GRM5: variants seen among roughly 807,000 people sequenced by gnomAD.
GRM5 encodes glutamate metabotropic receptor 5, also known as metabotropic glutamate receptor 5.
GRM5 carries 19 observed loss-of-function variants against 83.1 expected under a neutral mutation model. The ratio of observed to expected loss-of-function variants is 0.23; its 90% confidence interval spans 0.16 to 0.34. The LOEUF (loss-of-function observed/expected upper bound fraction) is 0.34. Ranked by LOEUF, GRM5 falls within the 10% of genes least tolerant of loss-of-function variation. The pLI, the probability that GRM5 is intolerant of heterozygous loss-of-function variation, is 1.00. For synonymous variants in GRM5, 675 were observed against 633.6 expected, an observed-to-expected ratio of 1.07 and a Z score of -0.98; for missense variants, 1,160 against 1,588.3, an observed-to-expected ratio of 0.73 and a Z score of 4.58.
chr11:88,904,101 A>C (rs1430655128), intron 2 of GRM5, among the ~76,000 whole-genome samples: 1 of 152,154 alleles, frequency 6.6e-6, no homozygotes, highest in Admixed American at 6.6e-5. Context: ...GATGAAGAGG[A>C]TGCATTAAAA....
intron 7 of GRM5, among the ~76,000 whole-genome samples, chr11:88,576,677 C>T (rs1044965043): frequency 1.3e-5 from 2 of 152,014 alleles, no homozygotes; most frequent in African/African-American, 2.4e-5. Flanking sequence ...CAGAAGAATT[C>T]ACAGATGAGA....
intron 7 of GRM5, among the ~76,000 whole-genome samples, chr11:88,577,029 T>C (rs1943125988): frequency 1.3e-5 from 2 of 152,124 alleles, no homozygotes; most frequent in African/African-American, 4.8e-5. Flanking sequence ...TCAATAACTT[T>C]CTGATTTTGT....
chr11:88,596,324 T>G, intron 6 of GRM5, among the ~76,000 whole-genome samples: 1 of 152,160 alleles, frequency 6.6e-6, no homozygotes, highest in South Asian at 2.1e-4. Context: ...ACTTGTCTCT[T>G]CTTTCTTGTT....
chr11:88,719,564 TG>T (rs1941485036), intron 3 of GRM5, among the ~76,000 whole-genome samples: 1 of 152,120 alleles, frequency 6.6e-6, no homozygotes, highest in African/African-American at 2.4e-5. Context: ...TTACATATTT[TG>T]GGGTATATAC....
At chr11:88,911,405 C>G (rs1045134226) in intron 2 of GRM5, among the ~76,000 whole-genome samples, 6 of 152,052 alleles carry the variant, frequency 3.9e-5, no homozygotes, top group Non-Finnish European at 7.4e-5. Flanking sequence ...ATTAAATAAG[C>G]TAACAAATTA....
In GRM5 at chr11:88,623,714, T is replaced by C. The variant is rs560524956; in HGVS notation, c.1148-18750A>G. Reference sequence around the variant, plus strand: ...AAGTACAGCAAAAGAATGATCAGTATTTATTTGCAATCAAGTTCACGATAG... The same window carrying C: ...AAGTACAGCAAAAGAATGATCAGTACTTATTTGCAATCAAGTTCACGATAG... On this transcript the variant is annotated intron_variant, in intron 4 of 9. Coordinates refer to ENST00000305447, the MANE Select transcript of GRM5 (RefSeq NM_001143831.3). 6.6e-5 allele frequency among the ~76,000 whole-genome samples: 10 copies of C among 152,314 alleles called. No homozygotes were observed. In the East Asian group the frequency reaches 1.9e-3, roughly 29 times the overall value.
In GRM5 at chr11:88,567,340, G is replaced by A. The variant is rs1399515387; in HGVS notation, c.2343C>T (p.Thr781=). The change falls in exon 8 of 10, where the codon ACC becomes ACT. Residue 781 remains threonine (T), a synonymous_variant. Coordinates refer to ENST00000305447, the MANE Select transcript of GRM5 (RefSeq NM_001143831.3). The surrounding 1 kb of genome is among the most constrained non-coding windows in gnomAD (Gnocchi z 7.3). The part of the protein sequence containing the change: ...AKYIAFTMYT[T]CIIWLAFVPI... ...GCACAAAAGCTAGCCATATAATGCA[G>A]GTCGTGTACATTGTGAAGGCGATAT... is the stretch of plus-strand genomic sequence containing the variant. The A allele has an allele frequency of 1.2e-6, 2 of 1,614,126 alleles. No individual in the cohort carries two copies. The highest frequency in any genetic ancestry group is 2.7e-5 in the African/African-American group (2 of 75,036).
In GRM5 at chr11:88,507,634, A is replaced by C. The variant is rs547715907; in HGVS notation, c.*958T>G. 20 of 152,380 alleles carry C rather than the reference A, an allele frequency of 1.3e-4. No homozygotes were observed. The highest frequency in any genetic ancestry group is 4.8e-4 in the African/African-American group (20 of 41,592). 9.4% of individuals were successfully genotyped at this position (152,380 alleles called of 1,614,324 possible). A position where few individuals can be genotyped will look rare whatever the true frequency, so the allele number is the denominator to read the frequency against. ...GCCCCAATGCATATTTTAATATTTTAGTTGGCAATGCAAACGCAACAGCAT... is the reference window on the plus strand; with the variant it reads ...GCCCCAATGCATATTTTAATATTTTCGTTGGCAATGCAAACGCAACAGCAT... On this transcript the variant is annotated 3_prime_UTR_variant, in exon 10 of 10. Transcript: ENST00000305447.
In GRM5 at chr11:88,516,652, A is replaced by G. The variant is rs189356708; in HGVS notation, c.2727-7148T>C. 3.4e-4 allele frequency among the ~76,000 whole-genome samples: 52 copies of G among 152,222 alleles called. No individual in the cohort carries two copies. The East Asian group carries it at 9.7e-3, about 28-fold the overall frequency. On this transcript the variant is annotated intron_variant, in intron 9 of 9. Coordinates refer to ENST00000305447, the MANE Select transcript of GRM5 (RefSeq NM_001143831.3). ...GTTATGAGGCTTGAATCCTGGGTGC[A>G]GATTCACCACCAATATGTTTATTGT... is the stretch of plus-strand genomic sequence containing the variant.
At chr11:88,875,543 G>A (rs768979587) in intron 2 of GRM5, among the ~76,000 whole-genome samples, 10 of 151,876 alleles carry the variant, frequency 6.6e-5, no homozygotes, top group Non-Finnish European at 1.3e-4. Flanking sequence ...TGTTATTAAT[G>A]GTAATTAAAA....
At chr11:88,902,246 T>C (rs1945325164) in intron 2 of GRM5, among the ~76,000 whole-genome samples, 1 of 152,036 alleles carries the variant, frequency 6.6e-6, no homozygotes, top group African/African-American at 2.4e-5. Flanking sequence ...ACTTGGGATC[T>C]GTAGTTAGGA....
At chr11:88,843,699 C>T (rs1368383357) in intron 3 of GRM5, among the ~76,000 whole-genome samples, 1 of 152,048 alleles carries the variant, frequency 6.6e-6, no homozygotes, top group Admixed American at 6.5e-5. Context: ...AAGGTGGAAG[C>T]AAATATAGGC....
At chr11:88,556,741 C>T (rs1942637877) in intron 8 of GRM5, among the ~76,000 whole-genome samples, 1 of 151,966 alleles carries the variant, frequency 6.6e-6, no homozygotes, top group East Asian at 1.9e-4. Flanking sequence ...GTCTAGGGTC[C>T]TGGCTTATAA....
intron 2 of GRM5, among the ~76,000 whole-genome samples, chr11:88,870,552 G>C (rs961873834): frequency 4.6e-5 from 7 of 151,470 alleles, no homozygotes; most frequent in Non-Finnish European, 7.4e-5. Context: ...TTTGTCTAGG[G>C]CTAAGTAATG....
chr11:88,570,049 G>C (rs1212510710), intron 7 of GRM5, among the ~76,000 whole-genome samples: 4 of 151,966 alleles, frequency 2.6e-5, no homozygotes, highest in Non-Finnish European at 5.9e-5. Context: ...GGAAAGAGAA[G>C]GGGAAGGGGA....
chr11:89,065,242 ATC>A (rs898464929), intron 1 of GRM5, among the ~76,000 whole-genome samples: 22 of 150,926 alleles, frequency 1.5e-4, no homozygotes, highest in Non-Finnish European at 2.9e-5. Context: ...AGAGGAGCCC[ATC>A]TCTCTTCCTA....
At position 88,517,128 on chromosome 11, in the gene GRM5, TACACACACAC is replaced by T. The variant is rs60251358; in HGVS notation, c.2727-7634_2727-7625del. ...TACAATTGTAATATATTGGCTTCTG[TACACACACAC>T]ACACACACACACACACACACACACG... is the stretch of plus-strand genomic sequence containing the variant. On this transcript the variant is annotated intron_variant, in intron 9 of 9. Transcript: ENST00000305447. 2.2e-4 allele frequency among the ~76,000 whole-genome samples: 33 copies of T among 148,154 alleles called. 1 individual carries two copies. Among genetic ancestry groups the T allele is most frequent in the Non-Finnish European group, 3.1e-4 (21 of 66,690 alleles).
At position 88,742,609 on chromosome 11, in the gene GRM5, G is replaced by C. The variant is rs1000061; in HGVS notation, c.912-89206C>G. Among the ~76,000 whole-genome samples, 3 of 151,814 alleles carry C rather than the reference G, an allele frequency of 2.0e-5. No homozygotes were observed. In the East Asian group the frequency reaches 5.8e-4, roughly 29 times the overall value. ...CTCCAGGTATTTATTGTTCCTTTCT[G>C]TGAAGAGCCTATGAGGAGAGGGAGA... On this transcript the variant is annotated intron_variant, in intron 3 of 9. Transcript: ENST00000305447.
chr11:88,987,248 C>G (rs1040078822), intron 2 of GRM5, among the ~76,000 whole-genome samples: 2 of 151,992 alleles, frequency 1.3e-5, no homozygotes, highest in Non-Finnish European at 2.9e-5. Context: ...AAGGGGTGAC[C>G]CACGGCACCT....
Sources: gnomAD v4.1 joint callset for allele counts (sites outside exome capture counted in the v4.1 genomes callset) on GRCh38, gnomAD v4.1.1 for gene constraint, Gnocchi (gnomAD v3.1) non-coding constraint, MANE v1.5 for transcripts, NCBI Gene and HGNC (gene_info 2026-07-23, HGNC 2026-07-21) for gene names.